The following DOCK4 variants were observed in gnomAD, a reference collection of about 807,000 sequenced individuals.
DOCK4 encodes dedicator of cytokinesis 4.
In DOCK4, 97 loss-of-function variants were observed where a neutral mutation model predicts 268.1. That is an observed-to-expected ratio of 0.36 (90% confidence interval 0.31 to 0.43). The LOEUF is 0.43. Among genes scored for constraint, DOCK4 ranks in the 20% least tolerant of loss-of-function variants. DOCK4 has a pLI of 1.00. For synonymous variants in DOCK4, 954 were observed against 887.2 expected (o/e 1.08, Z -1.34); for missense variants, 2,145 against 2,455.7 (o/e 0.87, Z 2.67).
At chr7:111,754,199 G>A (rs1158550450) in intron 42 of DOCK4, among the ~76,000 whole-genome samples, 1 of 152,202 alleles carries the variant, frequency 6.6e-6, no homozygotes, top group Admixed American at 6.5e-5. Context: ...GAAGGTACCA[G>A]GGCACAACAT....
chr7:112,177,137 G>A (rs1475887682), intron 1 of DOCK4, among the ~76,000 whole-genome samples: 3 of 152,152 alleles, frequency 2.0e-5, no homozygotes, highest in East Asian at 1.9e-4. Context: ...TATGATCCTC[G>A]CAGAGTGGTG....
intron 36 of DOCK4, among the ~76,000 whole-genome samples, chr7:111,774,300 A>C (rs1045692829): frequency 6.6e-6 from 1 of 152,072 alleles, no homozygotes; most frequent in Non-Finnish European, 1.5e-5. Context: ...CCCCGTCTCT[A>C]CTAAAAATAC....
intron 1 of DOCK4, among the ~76,000 whole-genome samples, chr7:112,048,694 T>G (rs926627183): frequency 6.7e-6 from 1 of 150,142 alleles, no homozygotes; most frequent in Non-Finnish European, 1.5e-5. Flanking sequence ...TGCAAGAAAG[T>G]AGAGAAACGT....
chr7:111,752,903 T>G (rs1411494345), intron 42 of DOCK4, among the ~76,000 whole-genome samples: 1 of 149,580 alleles, frequency 6.7e-6, no homozygotes, highest in Non-Finnish European at 1.5e-5. Context: ...GCTAATTTTT[T>G]AATCAGGACA....
chr7:111,901,332 C>CAAAAAA (rs398047987), intron 14 of DOCK4, among the ~76,000 whole-genome samples: 2 of 75,240 alleles, frequency 2.7e-5, no homozygotes, highest in African/African-American at 4.9e-5. Context: ...GATTCTGTCT[C>CAAAAAA]AAAAAAAAAA....
At chr7:111,978,545 T>A (rs561473218) in intron 7 of DOCK4, among the ~76,000 whole-genome samples, 3 of 152,138 alleles carry the variant, frequency 2.0e-5, no homozygotes, top group Admixed American at 1.3e-4. Context: ...AGATCCAGAT[T>A]ATGATGAGAG....
chr7:111,941,697 T>C (rs1795205399), intron 10 of DOCK4, among the ~76,000 whole-genome samples: 1 of 152,082 alleles, frequency 6.6e-6, no homozygotes, highest in Non-Finnish European at 1.5e-5. Flanking sequence ...CTCTGCTAGC[T>C]CCTACAGTTT....
chr7:111,914,083 G>T (rs184991444), intron 13 of DOCK4, among the ~76,000 whole-genome samples: 1 of 152,010 alleles, frequency 6.6e-6, no homozygotes. Context: ...AAATTTTAAC[G>T]AGACTCCTTC....
intron 41 of DOCK4, 108 bp downstream of exon 41, chr7:111,758,516 T>C (rs1797184494): frequency 1.6e-6 from 2 of 1,263,454 alleles, no homozygotes; most frequent in Non-Finnish European, 2.2e-6. Flanking sequence ...TAGTCCCTTC[T>C]GTTTCTGTCA....
chr7:111,888,363 T>C (rs950421696), intron 16 of DOCK4, among the ~76,000 whole-genome samples: 5 of 150,964 alleles, frequency 3.3e-5, no homozygotes, highest in Admixed American at 2.6e-4. Context: ...TAGATAACAA[T>C]GGGAAGAAAA....
At chr7:111,913,617 G>A (rs979523714) in intron 13 of DOCK4, among the ~76,000 whole-genome samples, 1 of 151,304 alleles carries the variant, frequency 6.6e-6, no homozygotes, top group Admixed American at 6.6e-5. Flanking sequence ...CACCATGTTA[G>A]CCAGGATGGT....
At chr7:112,131,568 T>A (rs1050400365) in intron 1 of DOCK4, among the ~76,000 whole-genome samples, 4 of 152,066 alleles carry the variant, frequency 2.6e-5, no homozygotes, top group African/African-American at 9.7e-5. Flanking sequence ...ACTAAATGAA[T>A]CAAAGATAGA....
At chr7:112,163,863 C>G (rs1178654620) in intron 1 of DOCK4, among the ~76,000 whole-genome samples, 2 of 152,166 alleles carry the variant, frequency 1.3e-5, no homozygotes, top group African/African-American at 2.4e-5. Flanking sequence ...AGGGGCTAAG[C>G]AAGCACACAC....
At chr7:112,141,318 G>A (rs1211553743) in intron 1 of DOCK4, among the ~76,000 whole-genome samples, 1 of 152,146 alleles carries the variant, frequency 6.6e-6, no homozygotes, top group Non-Finnish European at 1.5e-5. Flanking sequence ...ATCTGTGATG[G>A]TTCACTATAT....
chr7:111,812,824 G>A (rs997887184), intron 27 of DOCK4, among the ~76,000 whole-genome samples: 2 of 152,214 alleles, frequency 1.3e-5, no homozygotes, highest in Non-Finnish European at 2.9e-5. Flanking sequence ...GTACGAAGCT[G>A]TGTGAAACCG....
chr7:111,921,748 C>A (rs1449573491), intron 12 of DOCK4, among the ~76,000 whole-genome samples: 1 of 152,156 alleles, frequency 6.6e-6, no homozygotes, highest in Admixed American at 6.5e-5. Flanking sequence ...GAAGTGTCAG[C>A]TGCTACTCCT....
chr7:112,066,455 C>A (rs1806942738), intron 1 of DOCK4, among the ~76,000 whole-genome samples: 1 of 148,854 alleles, frequency 6.7e-6, no homozygotes, highest in African/African-American at 2.5e-5. Flanking sequence ...AAGCCAATTG[C>A]CCTAATAAAT....
intron 1 of DOCK4, among the ~76,000 whole-genome samples, chr7:112,137,761 T>C (rs947275985): frequency 6.6e-6 from 1 of 152,210 alleles, no homozygotes; most frequent in Admixed American, 6.5e-5. Context: ...TCTGCAGCCA[T>C]ACACTCCTCA....
At chr7:112,123,453 T>C (rs1046072076) in intron 1 of DOCK4, among the ~76,000 whole-genome samples, 8 of 152,152 alleles carry the variant, frequency 5.3e-5, no homozygotes, top group African/African-American at 1.7e-4. Flanking sequence ...ATGGCCTTTA[T>C]AAAAAGGACC....
Sources: gnomAD v4.1 joint callset for allele counts (sites outside exome capture counted in the v4.1 genomes callset) on GRCh38, gnomAD v4.1.1 for gene constraint, MANE v1.5 for transcripts, NCBI Gene and HGNC (gene_info 2026-07-23, HGNC 2026-07-21) for gene names.